Variants in TRAPPC9 observed in about 807,000 individuals in gnomAD.
The protein encoded by TRAPPC9 is IKK2 binding protein.
A neutral mutation model predicts 124.0 loss-of-function variants in TRAPPC9; 83 were observed. That is an observed-to-expected ratio of 0.67 (90% CI 0.56 to 0.80). The LOEUF (loss-of-function observed/expected upper bound fraction) is 0.80, where lower values mean the gene tolerates loss of function less well. Among genes scored for constraint, TRAPPC9 ranks in the 30% least tolerant of loss-of-function variants. The pLI, the probability that TRAPPC9 is intolerant of heterozygous loss-of-function variation, is 0.00. For missense variants in TRAPPC9, 1,302 were observed against 1,508.3 expected, an observed-to-expected ratio of 0.86 and a Z score of 2.27; for synonymous variants, 638 against 617.5, an observed-to-expected ratio of 1.03 and a Z score of -0.49.
chr8:140,067,721 A>T (rs1224029121), intron 17 of TRAPPC9, among the ~76,000 whole-genome samples: 1 of 152,224 alleles, frequency 6.6e-6, no homozygotes, highest in Non-Finnish European at 1.5e-5. Context: ...GGGGGTGAGT[A>T]TCAAATACAA....
At chr8:140,324,784 G>A (rs1351293115) in intron 9 of TRAPPC9, among the ~76,000 whole-genome samples, 2 of 151,958 alleles carry the variant, frequency 1.3e-5, no homozygotes, top group African/African-American at 4.8e-5. Context: ...ATAAATAAGT[G>A]AAATTTAAAA....
chr8:139,807,604 A>G (rs1164013073), intron 21 of TRAPPC9, among the ~76,000 whole-genome samples: 1 of 152,236 alleles, frequency 6.6e-6, no homozygotes, highest in Non-Finnish European at 1.5e-5. Flanking sequence ...CGGCGGAGGC[A>G]CTGCGGACGA....
intron 17 of TRAPPC9, among the ~76,000 whole-genome samples, chr8:140,204,213 G>A (rs1019329762): frequency 6.6e-6 from 1 of 151,824 alleles, no homozygotes; most frequent in Non-Finnish European, 1.5e-5. Flanking sequence ...GCAAAGACTT[G>A]GAACCAACCC....
intron 21 of TRAPPC9, among the ~76,000 whole-genome samples, chr8:139,843,507 T>C (rs1312259754): frequency 6.6e-6 from 1 of 152,168 alleles, no homozygotes; most frequent in Admixed American, 6.5e-5. Flanking sequence ...GGTGGACTGG[T>C]GTTCTTCCAC....
Position 139,910,154 on chromosome 8 carries a change from C to T in TRAPPC9, c.2957G>A (p.Trp986Ter), listed in dbSNP as rs979340117. ...LEIHSKLGIC[W>*]RIPSLKRSGE... is the part of the protein sequence containing the mutation. ...GCCCCTGGAAAAGGATATGATTCTC[C>T]AGCAGATGCCCAGCTTGCTGTGGAT... is the stretch of plus-strand genomic sequence containing the variant. Residue 986 changes from tryptophan to a stop codon, truncating the protein, a stop_gained, in exon 20 of 23, where the codon TGG (tryptophan) becomes TAG (stop). Coordinates refer to ENST00000438773, the MANE Select transcript of TRAPPC9 (RefSeq NM_001160372.4). LOFTEE classifies it high-confidence loss of function. 3.7e-6 allele frequency: 6 copies of T among 1,614,044 alleles called. No individual in the cohort carries two copies. Among genetic ancestry groups the T allele is most frequent in the Non-Finnish European group, 5.1e-6 (6 of 1,180,000 alleles).
chr8:140,254,756 G>A (rs547799835), intron 15 of TRAPPC9, among the ~76,000 whole-genome samples: 7 of 152,288 alleles, frequency 4.6e-5, no homozygotes, highest in South Asian at 4.2e-4. Flanking sequence ...ATAAGGAGAC[G>A]GTTTTAGAGA....
At chr8:139,998,600 T>C (rs976935773) in intron 18 of TRAPPC9, among the ~76,000 whole-genome samples, 1 of 152,172 alleles carries the variant, frequency 6.6e-6, no homozygotes, top group Admixed American at 6.5e-5. Flanking sequence ...TGGGCACCTG[T>C]AGTCCCAGCT....
chr8:139,940,671 A>G (rs577055750), intron 19 of TRAPPC9, among the ~76,000 whole-genome samples: 1 of 152,096 alleles, frequency 6.6e-6, no homozygotes, highest in East Asian at 1.9e-4. Context: ...ACTGTCACCC[A>G]CAGAACTTCC....
At position 140,334,565 on chromosome 8, in the gene TRAPPC9, G is replaced by A. The variant is rs185845180; in HGVS notation, c.1496-23191C>T. ...CTCGGGAGGCTGAGGCAGGAGAATCGCTTGAACCCGGGAGGTGGAGGTTGC... is the reference window on the plus strand; with the variant it reads ...CTCGGGAGGCTGAGGCAGGAGAATCACTTGAACCCGGGAGGTGGAGGTTGC... On this transcript the variant is annotated intron_variant, in intron 9 of 22. Transcript: ENST00000438773. 5.9e-4 allele frequency among the ~76,000 whole-genome samples: 90 copies of A among 152,030 alleles called. No homozygotes were observed. In the East Asian group the frequency reaches 0.013, roughly 23 times the overall value.
chr8:139,949,925 T>C (rs762808343), intron 19 of TRAPPC9, among the ~76,000 whole-genome samples: 1 of 152,216 alleles, frequency 6.6e-6, no homozygotes, highest in Non-Finnish European at 1.5e-5. Context: ...TCAATAAAAC[T>C]GTCATTTAAA....
Position 139,964,244 on chromosome 8 carries a change from A to AT in TRAPPC9, c.2810+24481_2810+24482insA, listed in dbSNP as rs1233298472. Among the ~76,000 whole-genome samples, 419 of 138,114 alleles carry AT rather than the reference A, an allele frequency of 3.0e-3. 15 individuals are homozygous for AT. Among genetic ancestry groups the AT allele is most frequent in the Admixed American group, 4.0e-3 (53 of 13,314 alleles). 90.6% of individuals were successfully genotyped at this position (138,114 alleles called of 152,430 possible). On this transcript the variant is annotated intron_variant, in intron 19 of 22. Coordinates refer to ENST00000438773, the MANE Select transcript of TRAPPC9 (RefSeq NM_001160372.4). ...TGTCTCAAAAAAAAAAAAAAAAAAA[A>AT]AGCGGGGGAGCACCTCAGGAGGCCA...
intron 17 of TRAPPC9, among the ~76,000 whole-genome samples, chr8:140,043,968 AG>A: frequency 6.6e-6 from 1 of 152,172 alleles, no homozygotes; most frequent in Non-Finnish European, 1.5e-5. Context: ...CAGCCAGGTC[AG>A]ACTCCAGCCA....
chr8:139,842,368 G>A (rs1826785290), intron 21 of TRAPPC9, among the ~76,000 whole-genome samples: 1 of 152,288 alleles, frequency 6.6e-6, no homozygotes, highest in South Asian at 2.1e-4. Context: ...GTCCTGAGGA[G>A]AAGGCTTCCA....
At chr8:139,896,062 G>A (rs1483519519) in intron 20 of TRAPPC9, among the ~76,000 whole-genome samples, 2 of 152,134 alleles carry the variant, frequency 1.3e-5, no homozygotes, top group Non-Finnish European at 2.9e-5. Flanking sequence ...ATTTGCTTTC[G>A]GACATGAGCC....
chr8:139,737,466 T>TC (rs35297460), intron 21 of TRAPPC9, among the ~76,000 whole-genome samples: 590 of 41,322 alleles, frequency 0.014, 79 homozygotes, highest in African/African-American at 0.027. Flanking sequence ...TCATCAGCCC[T>TC]CCCCCCCCCC....
chr8:140,254,517 G>C (rs1481676947), intron 15 of TRAPPC9, among the ~76,000 whole-genome samples: 3 of 152,160 alleles, frequency 2.0e-5, no homozygotes, highest in Admixed American at 1.3e-4. Flanking sequence ...GCACATGCTA[G>C]GTCTCTGGCT....
chr8:140,126,483 C>G (rs529497932), intron 17 of TRAPPC9, among the ~76,000 whole-genome samples: 1 of 152,298 alleles, frequency 6.6e-6, no homozygotes, highest in Admixed American at 6.5e-5. Flanking sequence ...AGAAGTTCAT[C>G]AGACACTCGT....
chr8:139,946,009 TA>T (rs1834192284), intron 19 of TRAPPC9, among the ~76,000 whole-genome samples: 1 of 152,192 alleles, frequency 6.6e-6, no homozygotes, highest in Admixed American at 6.5e-5. Flanking sequence ...TCTTTACAAT[TA>T]AAAACATTTC....
chr8:139,824,423 G>A (rs1043370065), intron 21 of TRAPPC9, among the ~76,000 whole-genome samples: 32 of 152,230 alleles, frequency 2.1e-4, no homozygotes, highest in Admixed American at 6.5e-5. Flanking sequence ...GGCCACAGGA[G>A]AGGCAGTGGA....
Sources: allele counts gnomAD v4.1 joint callset (sites outside exome capture counted in the v4.1 genomes callset), GRCh38; gene constraint gnomAD v4.1.1; transcripts MANE v1.5; gene names NCBI Gene and HGNC (gene_info 2026-07-23, HGNC 2026-07-21).